The following PRKCB variants were observed in gnomAD, a reference collection of about 807,000 sequenced individuals.
PRKCB encodes protein kinase C beta, also known as protein kinase C beta type.
Under a neutral mutation model 81.5 loss-of-function variants are expected in PRKCB, and 13 were observed. That is an observed-to-expected ratio of 0.16 (90% CI 0.10 to 0.25). The LOEUF (loss-of-function observed/expected upper bound fraction) is 0.25, where lower values mean the gene tolerates loss of function less well. Ranked by LOEUF, PRKCB falls within the 10% of genes least tolerant of loss-of-function variation. PRKCB has a pLI of 1.00. For missense variants in PRKCB, 509 were observed against 875.7 expected (o/e 0.58, Z 5.29); for synonymous variants, 335 against 321.4 (o/e 1.04, Z -0.45).
chr16:23,874,746 A>G (rs541196242), intron 2 of PRKCB, among the ~76,000 whole-genome samples: 1 of 152,328 alleles, frequency 6.6e-6, no homozygotes, highest in African/African-American at 2.4e-5. Flanking sequence ...ATGCACTTCA[A>G]TTAATCTAAA....
rs567648493 is a variant in PRKCB at position 24,048,498 on chromosome 16, T to C, written c.529+12951T>C. 1.2e-4 allele frequency among the ~76,000 whole-genome samples: 18 copies of C among 151,758 alleles called. No homozygotes were observed. In the South Asian group the frequency reaches 1.7e-3, roughly 14 times the overall value. ...CTTCTTTCTTTTCTTTTCTTTCTTTTTTTTTTTTTTATAACAGAGTCTCAC... is the reference window on the plus strand; with the variant it reads ...CTTCTTTCTTTTCTTTTCTTTCTTTCTTTTTTTTTTATAACAGAGTCTCAC... On this transcript the variant is annotated intron_variant, in intron 5 of 16. Coordinates refer to ENST00000643927, the MANE Select transcript of PRKCB (RefSeq NM_002738.7).
chr16:24,189,001 A>G (rs1967747957), intron 15 of PRKCB, among the ~76,000 whole-genome samples: 2 of 152,146 alleles, frequency 1.3e-5, no homozygotes, highest in Middle Eastern at 3.4e-3. Context: ...GTGAACCAAA[A>G]CCTCACTGCC....
chr16:24,012,392 T>C (rs1383799415), intron 3 of PRKCB, among the ~76,000 whole-genome samples: 1 of 152,200 alleles, frequency 6.6e-6, no homozygotes, highest in African/African-American at 2.4e-5. Flanking sequence ...GGATTTGAGT[T>C]TGGCTCTAGA....
At chr16:24,065,081 C>T (rs956559335) in intron 5 of PRKCB, among the ~76,000 whole-genome samples, 1 of 148,576 alleles carries the variant, frequency 6.7e-6, no homozygotes, top group Non-Finnish European at 1.5e-5. Flanking sequence ...ATTTTTCCCC[C>T]TTTTCCCTTT....
intron 16 of PRKCB, among the ~76,000 whole-genome samples, chr16:24,205,603 A>T (rs1380056125): frequency 2.0e-5 from 3 of 152,206 alleles, no homozygotes; most frequent in African/African-American, 7.2e-5. Flanking sequence ...AGGACTTCAT[A>T]GAGCTTTTGG....
At chr16:24,069,898 A>G (rs547118353) in intron 5 of PRKCB, among the ~76,000 whole-genome samples, 3 of 152,330 alleles carry the variant, frequency 2.0e-5, no homozygotes, top group African/African-American at 7.2e-5. Context: ...TCCATTCCCA[A>G]CGGGTACTCC....
intron 2 of PRKCB, among the ~76,000 whole-genome samples, chr16:23,869,701 C>T (rs1333541706): frequency 2.6e-5 from 4 of 152,160 alleles, no homozygotes; most frequent in African/African-American, 9.6e-5. Flanking sequence ...ATTTTATCAT[C>T]GTATAAATAG....
At chr16:23,860,396 G>C (rs547153321) in intron 2 of PRKCB, among the ~76,000 whole-genome samples, 1 of 152,286 alleles carries the variant, frequency 6.6e-6, no homozygotes, top group East Asian at 1.9e-4. Flanking sequence ...TGAGGATGAG[G>C]TGCCTGTGCC....
intron 5 of PRKCB, among the ~76,000 whole-genome samples, chr16:24,078,330 T>C (rs1966205862): frequency 6.6e-6 from 1 of 152,246 alleles, no homozygotes; most frequent in East Asian, 1.9e-4. Flanking sequence ...TGGCACGCCA[T>C]CCTGGTTCCT....
At chr16:23,954,940 A>G (rs1964330465) in intron 2 of PRKCB, among the ~76,000 whole-genome samples, 1 of 152,216 alleles carries the variant, frequency 6.6e-6, no homozygotes, top group East Asian at 1.9e-4. Flanking sequence ...GTGTAATCCC[A>G]TGAAACACAT....
intron 2 of PRKCB, among the ~76,000 whole-genome samples, chr16:23,845,462 G>A (rs1190218348): frequency 1.3e-5 from 2 of 152,044 alleles, no homozygotes; most frequent in African/African-American, 4.8e-5. Context: ...AATCTGTATT[G>A]TAAAACTGCC....
chr16:23,842,106 CTT>C (rs1297556136), intron 2 of PRKCB, among the ~76,000 whole-genome samples: 1 of 152,040 alleles, frequency 6.6e-6, no homozygotes, highest in Non-Finnish European at 1.5e-5. Flanking sequence ...AAGGAAGTGA[CTT>C]TGGTAGAAAT....
chr16:24,055,204 C>T (rs1402135391), intron 5 of PRKCB, among the ~76,000 whole-genome samples: 1 of 152,248 alleles, frequency 6.6e-6, no homozygotes, highest in African/African-American at 2.4e-5. Flanking sequence ...TCATCTTCTC[C>T]ACCCACCAAA....
chr16:23,951,132 G>A (rs992078785), intron 2 of PRKCB, among the ~76,000 whole-genome samples: 3 of 152,202 alleles, frequency 2.0e-5, no homozygotes, highest in Non-Finnish European at 2.9e-5. Flanking sequence ...GTTGCTGAGT[G>A]ACTGTCATGT....
At chr16:23,891,403 A>T (rs1430991607) in intron 2 of PRKCB, among the ~76,000 whole-genome samples, 1 of 152,020 alleles carries the variant, frequency 6.6e-6, no homozygotes, top group Non-Finnish European at 1.5e-5. Flanking sequence ...TAGGGAAATT[A>T]TGAGTGATGT....
At chr16:24,012,458 A>G (rs1965216357) in intron 3 of PRKCB, among the ~76,000 whole-genome samples, 1 of 152,184 alleles carries the variant, frequency 6.6e-6, no homozygotes, top group Non-Finnish European at 1.5e-5. Context: ...GTTCAACTCC[A>G]CTAACCCTCT....
chr16:23,902,569 G>A (rs1474078693), intron 2 of PRKCB, among the ~76,000 whole-genome samples: 1 of 152,128 alleles, frequency 6.6e-6, no homozygotes, highest in Non-Finnish European at 1.5e-5. Flanking sequence ...CGGGGAAGCT[G>A]AGGCTCAGCT....
intron 5 of PRKCB, among the ~76,000 whole-genome samples, chr16:24,037,645 G>T (rs959371563): frequency 6.6e-6 from 1 of 152,046 alleles, no homozygotes; most frequent in East Asian, 1.9e-4. Flanking sequence ...CCTCCTATGG[G>T]CATTCCTTAG....
At chr16:23,967,891 G>A (rs1026020325) in intron 2 of PRKCB, among the ~76,000 whole-genome samples, 3 of 152,232 alleles carry the variant, frequency 2.0e-5, no homozygotes, top group Non-Finnish European at 4.4e-5. Context: ...GACCTCAAGT[G>A]AGGTCCACCT....
Sources: allele counts gnomAD v4.1 joint callset (sites outside exome capture counted in the v4.1 genomes callset), GRCh38; gene constraint gnomAD v4.1.1; transcripts MANE v1.5; gene names NCBI Gene and HGNC (gene_info 2026-07-23, HGNC 2026-07-21).